NUCKS1: variants seen among roughly 807,000 people sequenced by gnomAD.
The protein encoded by NUCKS1 is nuclear casein kinase and cyclin dependent kinase substrate 1.
NUCKS1 carries 2 observed loss-of-function variants against 33.0 expected under a neutral mutation model. The ratio of observed to expected loss-of-function variants is 0.06; its 90% CI spans 0.02 to 0.19. NUCKS1 has a LOEUF of 0.19. NUCKS1 is among the 10% of genes least tolerant of loss of function. The pLI, the probability that NUCKS1 is intolerant of heterozygous loss-of-function variation, is 1.00. For synonymous variants in NUCKS1, 106 were observed against 102.8 expected (o/e 1.03, Z -0.19); for missense variants, 201 against 293.6 (o/e 0.68, Z 2.31).
chr1:205,720,471 A>C, intron 5 of NUCKS1, 30 bp downstream of exon 5: 2 of 1,597,070 alleles, frequency 1.3e-6, no homozygotes, highest in Middle Eastern at 1.7e-4. Flanking sequence ...ATGACCAAAC[A>C]ACCAAAGTAC....
At chr1:205,723,659 T>C (rs1306337438) in intron 4 of NUCKS1, among the ~76,000 whole-genome samples, 1 of 152,162 alleles carries the variant, frequency 6.6e-6, no homozygotes, top group African/African-American at 2.4e-5. Flanking sequence ...TATAGATACT[T>C]AAAGAAAACC....
At chr1:205,733,627 A>C (rs1223237717) in intron 1 of NUCKS1, among the ~76,000 whole-genome samples, 1 of 151,712 alleles carries the variant, frequency 6.6e-6, no homozygotes, top group Non-Finnish European at 1.5e-5. Context: ...TAATAAATTA[A>C]ATAATAAATA....
intron 1 of NUCKS1, among the ~76,000 whole-genome samples, chr1:205,733,916 A>G (rs890427706): frequency 6.6e-6 from 1 of 152,142 alleles, no homozygotes; most frequent in African/African-American, 2.4e-5. Flanking sequence ...TTGTTCTGTC[A>G]TCCAGGCTGG....
At position 205,717,819 on chromosome 1, in the gene NUCKS1, G is replaced by A. The variant is rs985741151; in HGVS notation, c.*461C>T. The A allele has an allele frequency of 2.0e-6, 2 of 985,476 alleles. No homozygotes were observed. Among genetic ancestry groups the A allele is most frequent in the African/African-American group, 3.5e-5 (2 of 57,278 alleles). 61.0% of individuals were successfully genotyped at this position (985,476 alleles called of 1,614,324 possible). A position where few individuals can be genotyped will look rare whatever the true frequency, so the allele number is the denominator to read the frequency against. ...TTTTTAAAAGTCCAGGTAGAGAAAG[G>A]AGCAATCATTTTGAACTAAAATCTT... On this transcript the variant is annotated 3_prime_UTR_variant, in exon 7 of 7. Coordinates refer to ENST00000367142, the MANE Select transcript of NUCKS1 (RefSeq NM_022731.5).
At chr1:205,731,831 G>A (rs911979326) in intron 1 of NUCKS1, among the ~76,000 whole-genome samples, 31 of 151,706 alleles carry the variant, frequency 2.0e-4, no homozygotes, top group African/African-American at 7.0e-4. Context: ...GGCAGAGCTC[G>A]CAGTGAGTGA....
chr1:205,740,400 C>T (rs1255316162), intron 1 of NUCKS1, among the ~76,000 whole-genome samples: 1 of 151,958 alleles, frequency 6.6e-6, no homozygotes, highest in Non-Finnish European at 1.5e-5. Flanking sequence ...GGCAGGATTG[C>T]TTGAGTCCCA....
chr1:205,729,806 G>A lies in NUCKS1; in HGVS notation c.18-185C>T, dbSNP rs143209820. Among the ~76,000 whole-genome samples the A allele has an allele frequency of 4.2e-3, 639 of 152,246 alleles. 4 individuals carry two copies. Among genetic ancestry groups the A allele is most frequent in the African/African-American group, 0.014 (600 of 41,546 alleles). On this transcript the variant is annotated intron_variant, in intron 1 of 6. Transcript: ENST00000367142. ...GGAGGCCAAGGCTGGTGGATCATCT[G>A]AGGTTGGGAGTTTGAGATCAGCCTA...
At chr1:205,746,486 CACTA>C (rs199672167) in intron 1 of NUCKS1, among the ~76,000 whole-genome samples, 3,589 of 124,296 alleles carry the variant, frequency 0.029, 61 homozygotes, top group African/African-American at 0.059. Context: ...CACACACACA[CACTA>C]GAGAATAAGA....
chr1:205,727,989 GT>G (rs1256743731), intron 2 of NUCKS1, among the ~76,000 whole-genome samples, 184 bp from the exon 3 acceptor site: 1 of 151,712 alleles, frequency 6.6e-6, no homozygotes, highest in Non-Finnish European at 1.5e-5. Flanking sequence ...CCTTCACTTC[GT>G]TTTTGCATAT....
At position 205,750,043 on chromosome 1, in the gene NUCKS1, G is replaced by GCCCCCCCCCC; in HGVS notation, c.-71_-70insGGGGGGGGGG. The GCCCCCCCCCC allele has an allele frequency of 3.1e-6, 4 of 1,271,640 alleles. No homozygotes were observed. The highest frequency in any genetic ancestry group is 3.8e-5 in the South Asian group (2 of 53,172). The allele number at this position is 1,271,640 out of a possible 1,614,324, so 78.8% of individuals were successfully genotyped here. On this transcript the variant is annotated 5_prime_UTR_variant, in exon 1 of 7. Coordinates refer to ENST00000367142, the MANE Select transcript of NUCKS1 (RefSeq NM_022731.5). ...ACCCCCCCCACCCCGCGCGCTCGGCGCCCCACCCCCCCCGAACTTCAGCCG... is the reference window on the plus strand; with the variant it reads ...ACCCCCCCCACCCCGCGCGCTCGGCGCCCCCCCCCCCCCCACCCCCCCCGAACTTCAGCCG...
rs1313938343 is a variant in NUCKS1 at position 205,715,026 on chromosome 1, C to G, written c.*3254G>C. On this transcript the variant is annotated 3_prime_UTR_variant, in exon 7 of 7. Transcript: ENST00000367142. ...TCGTAAACTGAAGTTTAAAGAAAAG[C>G]ACGATTCCCATCCCCAACCAGTACT... 1 of 152,046 alleles carries G rather than the reference C, an allele frequency of 6.6e-6. No individual in the cohort carries two copies. Among genetic ancestry groups the G allele is most frequent in the Non-Finnish European group, 1.5e-5 (1 of 68,004 alleles). The allele number at this position is 152,046 out of a possible 1,614,324, so 9.4% of individuals were successfully genotyped here. A position where few individuals can be genotyped will look rare whatever the true frequency, so the allele number is the denominator to read the frequency against.
At chr1:205,719,437 C>T in intron 6 of NUCKS1, 90 bp downstream of exon 6, 2 of 1,380,644 alleles carry the variant, frequency 1.4e-6, no homozygotes, top group Non-Finnish European at 9.9e-7. Context: ...CAGGCCAATG[C>T]CAAATCCTAA....
chr1:205,715,397 A>G lies in NUCKS1; in HGVS notation c.*2883T>C, dbSNP rs1671805342. The G allele has an allele frequency of 6.6e-6, 1 of 152,236 alleles. No homozygotes were observed. The highest frequency in any genetic ancestry group is 6.5e-5 in the Admixed American group (1 of 15,282). The allele number at this position is 152,236 out of a possible 1,614,324, so 9.4% of individuals were successfully genotyped here. The stretch of plus-strand genomic sequence containing the variant: ...CCATTAATTTTCCCTTATGGAATCA[A>G]TATGGAGTGGAAATATGAAATGAGG... On this transcript the variant is annotated 3_prime_UTR_variant, in exon 7 of 7. Transcript: ENST00000367142.
At chr1:205,743,691 A>C (rs1654238956) in intron 1 of NUCKS1, among the ~76,000 whole-genome samples, 1 of 152,206 alleles carries the variant, frequency 6.6e-6, no homozygotes, top group Admixed American at 6.5e-5. Flanking sequence ...AGGCTCTTGG[A>C]AAGTGGAGCC....
At position 205,750,106 on chromosome 1, in the gene NUCKS1, C is replaced by T. The variant is rs528313345; in HGVS notation, c.-133G>A. 7.8e-5 allele frequency: 72 copies of T among 919,844 alleles called. 1 individual carries two copies. The highest frequency in any genetic ancestry group is 1.7e-5 in the Non-Finnish European group (10 of 604,756). The allele number at this position is 919,844 out of a possible 1,614,324, so 57.0% of individuals were successfully genotyped here. On this transcript the variant is annotated 5_prime_UTR_variant, in exon 1 of 7. Transcript: ENST00000367142. Reference sequence around the variant, plus strand: ...CTGCCGAACCCCGAGCTGCTGGCTTCTCAAACTCCGCTGCTCTTTGGTTCA... The same window carrying T: ...CTGCCGAACCCCGAGCTGCTGGCTTTTCAAACTCCGCTGCTCTTTGGTTCA...
At position 205,737,816 on chromosome 1, in the gene NUCKS1, G is replaced by A. The variant is rs138687820; in HGVS notation, c.18-8195C>T. Among the ~76,000 whole-genome samples, 50 of 152,152 alleles carry A rather than the reference G, an allele frequency of 3.3e-4. 1 individual carries two copies. The East Asian group carries it at 6.2e-3, about 19-fold the overall frequency. ...AAGTATACATTTGTCTTATAGTATC[G>A]TATTTTAAAAATTATCTCATTACAG... On this transcript the variant is annotated intron_variant, in intron 1 of 6. Transcript: ENST00000367142.
At chr1:205,746,453 TCACACACACACACA>T (rs1216661558) in intron 1 of NUCKS1, among the ~76,000 whole-genome samples, 4 of 124,510 alleles carry the variant, frequency 3.2e-5, no homozygotes, top group African/African-American at 1.2e-4. Flanking sequence ...TCTCTCTCTC[TCACACACACACACA>T]CACACACACA....
intron 1 of NUCKS1, among the ~76,000 whole-genome samples, chr1:205,741,064 C>T (rs1021300211): frequency 6.6e-6 from 1 of 151,136 alleles, no homozygotes. Context: ...CTCAGGAGGC[C>T]GAGGCGGGCG....
At chr1:205,734,462 C>T (rs1653986738) in intron 1 of NUCKS1, among the ~76,000 whole-genome samples, 1 of 151,918 alleles carries the variant, frequency 6.6e-6, no homozygotes, top group Non-Finnish European at 1.5e-5. Context: ...AATATAGAAG[C>T]AATTCTGCCT....
Sources: allele counts gnomAD v4.1 joint callset (sites outside exome capture counted in the v4.1 genomes callset), GRCh38; gene constraint gnomAD v4.1.1; transcripts MANE v1.5; gene names NCBI Gene and HGNC (gene_info 2026-07-23, HGNC 2026-07-21).